HELQ: variants seen among roughly 807,000 people sequenced by gnomAD.
HELQ encodes helicase POLQ-like.
Under a neutral mutation model 111.6 loss-of-function variants are expected in HELQ, and 77 were observed. That is an observed-to-expected ratio of 0.69 (90% CI 0.57 to 0.83). The LOEUF (loss-of-function observed/expected upper bound fraction) is 0.83, where lower values mean the gene tolerates loss of function less well. Ranked by LOEUF, HELQ falls within the 40% of genes least tolerant of loss-of-function variation. HELQ has a pLI of 0.00. For missense variants in HELQ, 1,200 were observed against 1,288.5 expected (o/e 0.93, Z 1.05); for synonymous variants, 438 against 454.7 (o/e 0.96, Z 0.47).
chr4:83,416,016 G>A (rs934703310), intron 17 of HELQ, among the ~76,000 whole-genome samples: 1 of 149,894 alleles, frequency 6.7e-6, no homozygotes, highest in Non-Finnish European at 1.5e-5. Context: ...GTATGATCTC[G>A]GCTCACTGCC....
In HELQ at chr4:83,427,581, C is replaced by A; in HGVS notation, c.2658G>T (p.Trp886Cys). 1 of 1,561,692 alleles carries A rather than the reference C, an allele frequency of 6.4e-7. No homozygotes were observed. Among genetic ancestry groups the A allele is most frequent in the Non-Finnish European group, 8.6e-7 (1 of 1,159,788 alleles). Residue 886 changes from tryptophan (W) to cysteine (C), a missense_variant, in exon 13 of 18, where the codon TGG (tryptophan) becomes TGT (cysteine). By Grantham distance (215) the Trp-to-Cys change is radical (BLOSUM62 -2). Coordinates refer to ENST00000295488, the MANE Select transcript of HELQ (RefSeq NM_133636.5). Reference protein sequence around the residue: ...YDLVSQCNPDWMIYFRQFSQL... With the variant: ...YDLVSQCNPDCMIYFRQFSQL... ...TTCTCACCTGCCTGAAGTATATCAT[C>A]CAATCAGGGTTACACTGTGAAACCA...
intron 12 of HELQ, 31 bp downstream of exon 12, chr4:83,429,493 T>C: frequency 5.0e-6 from 7 of 1,408,276 alleles, no homozygotes; most frequent in Non-Finnish European, 6.9e-6. Flanking sequence ...ATGTGTTTCC[T>C]ATGATCAATA....
chr4:83,431,641 G>A, intron 11 of HELQ, 23 bp downstream of exon 11: 1 of 1,276,762 alleles, frequency 7.8e-7, no homozygotes, highest in Non-Finnish European at 1.1e-6. Context: ...ACAGTAATAA[G>A]ATAAAAAATT....
intron 1 of HELQ, among the ~76,000 whole-genome samples, chr4:83,454,590 ATTTT>A (rs1165924514): frequency 6.9e-6 from 1 of 144,692 alleles, no homozygotes; most frequent in Non-Finnish European, 1.5e-5. Flanking sequence ...AGAAAAAAAA[ATTTT>A]TTTTTTTTTT....
rs190706944 is a variant in HELQ at position 83,421,630 on chromosome 4, C to T, written c.2882G>A (p.Arg961Gln). The T allele has an allele frequency of 1.9e-5, 31 of 1,613,356 alleles. No individual in the cohort carries two copies. Among genetic ancestry groups the T allele is most frequent in the East Asian group, 4.5e-5 (2 of 44,770 alleles). The change falls in exon 15 of 18, where the codon CGA (arginine) becomes CAA (glutamine). Residue 961 changes from arginine to glutamine, a missense_variant. Arg to Gln is a conservative substitution (Grantham distance 43). Coordinates refer to ENST00000295488, the MANE Select transcript of HELQ (RefSeq NM_133636.5). ...WTVSEKFNMPRGYIQNLLTGT... is the reference protein window; with the variant it reads ...WTVSEKFNMPQGYIQNLLTGT... Reference sequence around the variant, plus strand: ...AGTGAGAAGATTTTGTATATATCCTCGAGGCATATTAAATTTTTCAGATAC... The same window carrying T: ...AGTGAGAAGATTTTGTATATATCCTTGAGGCATATTAAATTTTTCAGATAC...
At chr4:83,417,686 T>C (rs1002392551) in intron 16 of HELQ, among the ~76,000 whole-genome samples, 4 of 152,234 alleles carry the variant, frequency 2.6e-5, no homozygotes, top group Admixed American at 2.0e-4. Flanking sequence ...CCTTTCTTCT[T>C]ACTCTCTTAG....
chr4:83,420,762 G>A lies in HELQ; in HGVS notation c.2949+801C>T, dbSNP rs972018328. ...ATTGCGCCACTGTACTCCAGCCTGA[G>A]ACTCCATCTCAAAAAAACAAAAAAA... On this transcript the variant is annotated intron_variant, in intron 15 of 17. Coordinates refer to ENST00000295488, the MANE Select transcript of HELQ (RefSeq NM_133636.5). Among the ~76,000 whole-genome samples the A allele has an allele frequency of 3.7e-4, 56 of 152,006 alleles. 1 individual carries two copies. Among genetic ancestry groups the A allele is most frequent in the African/African-American group, 1.3e-3 (54 of 41,396 alleles).
In HELQ at chr4:83,407,432, G is replaced by A. The variant is rs751373452; in HGVS notation, c.*21C>T. On this transcript the variant is annotated 3_prime_UTR_variant, in exon 18 of 18. Transcript: ENST00000295488. ...CATGTACAATAAATAATTCATATAT[G>A]AAAATTCTCATCAGATAGCTTCATG... 8 of 1,456,856 alleles carry A rather than the reference G, an allele frequency of 5.5e-6. No homozygotes were observed. The highest frequency in any genetic ancestry group is 5.7e-6 in the Non-Finnish European group (6 of 1,061,436). The allele number at this position is 1,456,856 out of a possible 1,614,324, so 90.2% of individuals were successfully genotyped here. A position where few individuals can be genotyped will look rare whatever the true frequency, so the allele number is the denominator to read the frequency against.
chr4:83,442,644 C>T (rs1414324840), intron 6 of HELQ, among the ~76,000 whole-genome samples: 1 of 150,166 alleles, frequency 6.7e-6, no homozygotes, highest in Non-Finnish European at 1.5e-5. Flanking sequence ...ATCTCTTGAC[C>T]TCGTGATCTG....
At chr4:83,427,248 A>G (rs2109981901) in intron 13 of HELQ, among the ~76,000 whole-genome samples, 1 of 152,320 alleles carries the variant, frequency 6.6e-6, no homozygotes, top group Admixed American at 6.5e-5. Context: ...CATTAAAGTT[A>G]AACGAACCAT....
chr4:83,429,605 G>T lies in HELQ; in HGVS notation c.2437C>A (p.Gln813Lys), dbSNP rs754683972. The change falls in exon 12 of 18, where the codon CAA becomes AAA. Residue 813 changes from glutamine to lysine, a missense_variant. Around this residue, in one of 3 missense-constraint regions of HELQ, gnomAD observed 585 missense variants for 665.3 expected, o/e 0.88. Transcript: ENST00000295488. The stretch of plus-strand genomic sequence containing the variant: ...TCAGACTTATAAATAGTGTCTTTTT[G>T]TAGGAGTCCTTTTTCTGTCAGGTAT... ...LRYLTEKGLLQKDTIYKSEEE... is the reference protein window; with the variant it reads ...LRYLTEKGLLKKDTIYKSEEE... 3 of 1,612,652 alleles carry T rather than the reference G, an allele frequency of 1.9e-6. No homozygotes were observed. In the Admixed American group the frequency reaches 5.0e-5, roughly 27 times the overall value.
In HELQ at chr4:83,432,147, C is replaced by T. The variant is rs2109988390; in HGVS notation, c.2169G>A (p.Leu723=). ...TTACCTGTTGTTTGTCTTTTTCTTG[C>T]AATATGAGGATACTCTCCCCAATAG... ...IDTIGESILI[L]QEKDKQQVLE... is the part of the protein sequence containing the mutation. The change falls in exon 10 of 18, where the codon TTG becomes TTA. Residue 723 remains leucine (L), a synonymous_variant. Transcript: ENST00000295488. 1 of 1,580,540 alleles carries T rather than the reference C, an allele frequency of 6.3e-7. No individual in the cohort carries two copies. Among genetic ancestry groups the T allele is most frequent in the South Asian group, 1.2e-5 (1 of 84,164 alleles).
At chr4:83,431,329 TC>T (rs1302694348) in intron 11 of HELQ, among the ~76,000 whole-genome samples, 2 of 151,780 alleles carry the variant, frequency 1.3e-5, no homozygotes, top group Non-Finnish European at 2.9e-5. Context: ...GATTCAGTGA[TC>T]TTTTTTTTTT....
At chr4:83,433,719 A>G (rs1720288694) in intron 9 of HELQ, among the ~76,000 whole-genome samples, 1 of 150,830 alleles carries the variant, frequency 6.6e-6, no homozygotes, top group South Asian at 2.1e-4. Context: ...GTGGTAGCTC[A>G]TGCCTGTAAA....
chr4:83,436,458 A>G (rs1720466196), intron 9 of HELQ, among the ~76,000 whole-genome samples: 1 of 152,168 alleles, frequency 6.6e-6, no homozygotes, highest in African/African-American at 2.4e-5. Flanking sequence ...CTGCTTTAAA[A>G]TACATATATT....
chr4:83,449,158 G>C (rs1409161240), intron 2 of HELQ, among the ~76,000 whole-genome samples, 197 bp from the exon 3 acceptor site: 1 of 152,190 alleles, frequency 6.6e-6, no homozygotes, highest in Non-Finnish European at 1.5e-5. Context: ...TTCAGGCCTA[G>C]GCAGCAAGGT....
chr4:83,443,413 C>A, intron 6 of HELQ, 104 bp downstream of exon 6: 1 of 540,162 alleles, frequency 1.9e-6, no homozygotes, highest in Non-Finnish European at 3.3e-6. Context: ...AAATATGCCC[C>A]TTCACTACTC....
intron 14 of HELQ, among the ~76,000 whole-genome samples, chr4:83,425,010 T>C (rs1456093430): frequency 2.0e-5 from 3 of 152,044 alleles, no homozygotes; most frequent in African/African-American, 7.2e-5. Flanking sequence ...GCTCCCAACC[T>C]GAGAGCCACC....
At chr4:83,441,205 T>G in intron 7 of HELQ, 100 bp downstream of exon 7, 2 of 677,538 alleles carry the variant, frequency 3.0e-6, no homozygotes. Flanking sequence ...CAGCTGTTTC[T>G]CTGAAAAATC....
Sources: gnomAD v4.1 joint callset for allele counts (sites outside exome capture counted in the v4.1 genomes callset) on GRCh38, gnomAD v4.1.1 for gene constraint, gnomAD v4.1.1 regional missense constraint, MANE v1.5 for transcripts, NCBI Gene and HGNC (gene_info 2026-07-23, HGNC 2026-07-21) for gene names.